Variants in ZKSCAN5 observed in about 807,000 individuals in gnomAD.
ZKSCAN5 encodes zinc finger with KRAB and SCAN domains 5, also known as zinc finger protein with KRAB and SCAN domains 5.
In ZKSCAN5, 28 loss-of-function variants were observed where a neutral mutation model predicts 60.0. The ratio of observed to expected loss-of-function variants is 0.47; its 90% CI spans 0.35 to 0.64. The LOEUF is 0.64. Among genes scored for constraint, ZKSCAN5 ranks in the 30% least tolerant of loss-of-function variants. The pLI is 0.01. For synonymous variants in ZKSCAN5, 361 were observed against 371.2 expected, an observed-to-expected ratio of 0.97 and a Z score of 0.31; for missense variants, 881 against 1,034.6, an observed-to-expected ratio of 0.85 and a Z score of 2.04.
chr7:99,511,929 A>G (rs1201858916), intron 2 of ZKSCAN5, among the ~76,000 whole-genome samples: 1 of 152,024 alleles, frequency 6.6e-6, no homozygotes, highest in African/African-American at 2.4e-5. Flanking sequence ...AGCTGGGACT[A>G]CAGGCGCCCA....
chr7:99,511,729 T>TACC (rs1801037446), intron 2 of ZKSCAN5, among the ~76,000 whole-genome samples: 5 of 468 alleles, frequency 0.011, no homozygotes, highest in Non-Finnish European at 0.016. Context: ...AGGCATGAGC[T>TACC]ACCGTTTCAG....
chr7:99,531,384 A>G lies in ZKSCAN5; in HGVS notation c.1655A>G (p.Asn552Ser). ...ACTGGAGAGAGACCACATAAATGTA[A>G]CGAGTGTGGGAAAAGCTTCATTCAG... Reference protein sequence around the residue: ...SSTGERPHKCNECGKSFIQSA... With the variant: ...SSTGERPHKCSECGKSFIQSA... The change falls in exon 7 of 7, where the codon AAC (asparagine) becomes AGC (serine). Residue 552 changes from asparagine (N) to serine (S), a missense_variant. Asn to Ser is a conservative substitution (Grantham distance 46). Transcript: ENST00000326775. The G allele has an allele frequency of 6.2e-7, 1 of 1,614,208 alleles. No homozygotes were observed. The highest frequency in any genetic ancestry group is 1.1e-5 in the South Asian group (1 of 91,084).
chr7:99,512,144 C>T (rs1801063713), intron 2 of ZKSCAN5, among the ~76,000 whole-genome samples: 3 of 152,168 alleles, frequency 2.0e-5, no homozygotes, highest in Admixed American at 2.0e-4. Flanking sequence ...TCCAGAAAGC[C>T]TTCCCTGGCC....
intron 5 of ZKSCAN5, among the ~76,000 whole-genome samples, chr7:99,520,790 A>T (rs1801502701): frequency 6.6e-6 from 1 of 152,160 alleles, no homozygotes; most frequent in Non-Finnish European, 1.5e-5. Flanking sequence ...ACCTGAGGTC[A>T]GGAGTTCAAG....
chr7:99,508,560 C>T (rs544768535), intron 2 of ZKSCAN5, among the ~76,000 whole-genome samples: 2 of 151,874 alleles, frequency 1.3e-5, no homozygotes, highest in South Asian at 2.1e-4. Flanking sequence ...ACCATCCGGG[C>T]CAACATGGTG....
At chr7:99,516,579 C>T (rs2151102815) in intron 3 of ZKSCAN5, among the ~76,000 whole-genome samples, 1 of 152,224 alleles carries the variant, frequency 6.6e-6, no homozygotes, top group African/African-American at 2.4e-5. Flanking sequence ...TAATCCCAGG[C>T]AGGTCTGTGC....
At chr7:99,515,529 C>T (rs1562906825) in intron 3 of ZKSCAN5, among the ~76,000 whole-genome samples, 1 of 151,970 alleles carries the variant, frequency 6.6e-6, no homozygotes, top group Non-Finnish European at 1.5e-5. Context: ...TACTGTTATC[C>T]TTCTGTTAGA....
chr7:99,507,523 G>GTATATATGTGTATATATATGTATA (rs1351822202), intron 2 of ZKSCAN5, among the ~76,000 whole-genome samples: 1 of 133,820 alleles, frequency 7.5e-6, no homozygotes, highest in African/African-American at 3.4e-5. Context: ...GTGTATATAT[G>GTATATATGTGTATATATATGTATA]TATATGTGTA....
chr7:99,505,956 G>C (rs1800701687), intron 1 of ZKSCAN5, 49 bp from the exon 2 acceptor site: 3 of 1,486,938 alleles, frequency 2.0e-6, no homozygotes, highest in South Asian at 1.3e-5. Flanking sequence ...GCATGCTACT[G>C]AAAGTGTCCT....
chr7:99,508,815 C>CT (rs1411652129), intron 2 of ZKSCAN5, among the ~76,000 whole-genome samples: 2,610 of 126,630 alleles, frequency 0.021, 75 homozygotes, highest in African/African-American at 0.063. Context: ...TTCTTTCTTT[C>CT]TTTTTTTTTT....
chr7:99,504,847 C>T (rs1348485241), intron 1 of ZKSCAN5, 114 bp downstream of exon 1: 2 of 152,982 alleles, frequency 1.3e-5, no homozygotes, highest in Non-Finnish European at 2.9e-5. Flanking sequence ...AGGTACAGAC[C>T]TACTTCAAAT....
intron 3 of ZKSCAN5, among the ~76,000 whole-genome samples, chr7:99,516,008 G>A (rs1801251519): frequency 6.7e-6 from 1 of 149,922 alleles, no homozygotes; most frequent in Admixed American, 6.6e-5. Context: ...TTTTTTTTGA[G>A]ACAGGGTCTC....
rs1417858314 is a variant in ZKSCAN5, at chr7:99,533,888, A to C, written c.*1639A>C. On this transcript the variant is annotated 3_prime_UTR_variant, in exon 7 of 7. Coordinates refer to ENST00000326775, the MANE Select transcript of ZKSCAN5 (RefSeq NM_145102.4). ...CCTGATCTAAGACATTTGGTGCCACAAGTGGTCATAGGAAGCTGCTGTGAG... is the reference window on the plus strand; with the variant it reads ...CCTGATCTAAGACATTTGGTGCCACCAGTGGTCATAGGAAGCTGCTGTGAG... 3.0e-6 allele frequency: 1 copy of C among 331,492 alleles called. No homozygotes were observed. The highest frequency in any genetic ancestry group is 5.4e-6 in the Non-Finnish European group (1 of 184,220). The allele number at this position is 331,492 out of a possible 1,614,324, so 20.5% of individuals were successfully genotyped here. A position where few individuals can be genotyped will look rare whatever the true frequency, so the allele number is the denominator to read the frequency against.
Position 99,526,486 on chromosome 7 carries a change from G to T in ZKSCAN5, c.1378+68G>T, listed in dbSNP as rs929678996. On this transcript the variant is annotated intron_variant, in intron 6 of 6. Transcript: ENST00000326775. ...AAAGCAAAAGGTGTTTTATTAGTAC[G>T]GTACAACAGGACAGATGGGTGGTGA... is the stretch of plus-strand genomic sequence containing the variant. 3 of 1,540,020 alleles carry T rather than the reference G, an allele frequency of 1.9e-6. No homozygotes were observed. The African/African-American group carries it at 4.1e-5, about 21-fold the overall frequency.
Position 99,533,101 on chromosome 7 carries a change from A to G in ZKSCAN5, c.*852A>G. On this transcript the variant is annotated 3_prime_UTR_variant, in exon 7 of 7. Coordinates refer to ENST00000326775, the MANE Select transcript of ZKSCAN5 (RefSeq NM_145102.4). ...GGAATGAGGGCAGCTAAACCCATAGAAGGAGTTGGACCAAGGCGAATTACG... is the reference window on the plus strand; with the variant it reads ...GGAATGAGGGCAGCTAAACCCATAGGAGGAGTTGGACCAAGGCGAATTACG... 2.8e-6 allele frequency: 1 copy of G among 362,706 alleles called. No homozygotes were observed. Among genetic ancestry groups the G allele is most frequent in the South Asian group, 2.2e-5 (1 of 45,658 alleles). The allele number at this position is 362,706 out of a possible 1,614,324, so 22.5% of individuals were successfully genotyped here. A position where few individuals can be genotyped will look rare whatever the true frequency, so the allele number is the denominator to read the frequency against.
In ZKSCAN5 at chr7:99,531,629, A is replaced by G; in HGVS notation, c.1900A>G (p.Lys634Glu). 6.2e-7 allele frequency: 1 copy of G among 1,614,184 alleles called. No individual in the cohort carries two copies. The highest frequency in any genetic ancestry group is 8.5e-7 in the Non-Finnish European group (1 of 1,180,032). The change falls in exon 7 of 7, where the codon AAG (lysine) becomes GAG (glutamate). Residue 634 changes from lysine to glutamate, a missense_variant. Physicochemically the swap from Lys to Glu is moderately conservative, Grantham distance 56. This residue lies in a region of ZKSCAN5 where 112 missense variants were observed against 182.4 expected (regional missense o/e 0.61). Coordinates refer to ENST00000326775, the MANE Select transcript of ZKSCAN5 (RefSeq NM_145102.4). ...CGTGCACAGTGGGGAGAGACCCTTC[A>G]AGTGTAACGAATGTGGGAAAGGCTT... ...QSVHSGERPF[K>E]CNECGKGFGR... is the part of the protein sequence containing the mutation.
intron 5 of ZKSCAN5, among the ~76,000 whole-genome samples, chr7:99,524,776 A>G (rs886692325): frequency 2.6e-5 from 4 of 152,310 alleles, no homozygotes; most frequent in Admixed American, 1.3e-4. Flanking sequence ...TGAGAAACCT[A>G]GAAAGATCAC....
chr7:99,518,201 G>A (rs879852332), intron 3 of ZKSCAN5, among the ~76,000 whole-genome samples: 7 of 152,074 alleles, frequency 4.6e-5, no homozygotes, highest in Non-Finnish European at 1.0e-4. Flanking sequence ...GGCCATTGCA[G>A]GTGAATCACC....
chr7:99,514,633 G>A (rs1366307504), intron 3 of ZKSCAN5, among the ~76,000 whole-genome samples: 1 of 152,128 alleles, frequency 6.6e-6, no homozygotes, highest in African/African-American at 2.4e-5. Context: ...TTGGCCGTGT[G>A]CAGTGGCTCA....
Sources: gnomAD v4.1 joint callset for allele counts (sites outside exome capture counted in the v4.1 genomes callset) on GRCh38, gnomAD v4.1.1 for gene constraint, gnomAD v4.1.1 regional missense constraint, MANE v1.5 for transcripts, NCBI Gene and HGNC (gene_info 2026-07-23, HGNC 2026-07-21) for gene names.